The following WDR90 variants were observed in gnomAD, a reference collection of about 807,000 sequenced individuals.
WDR90 encodes WD repeat-containing protein 90.
WDR90 carries 238 observed loss-of-function variants against 195.2 expected under a neutral mutation model. That is an observed-to-expected ratio of 1.22 (90% CI 1.10 to 1.36). The LOEUF (loss-of-function observed/expected upper bound fraction) is 1.36. WDR90 is among the 40% of genes most tolerant of loss of function. The probability of loss-of-function intolerance (pLI) is 0.00; values close to 1 mark genes in which losing one functional copy is unlikely to be tolerated. For synonymous variants in WDR90, 1,265 were observed against 1,052.4 expected, an observed-to-expected ratio of 1.20 and a Z score of -3.91; for missense variants, 2,734 against 2,439.5, an observed-to-expected ratio of 1.12 and a Z score of -2.54.
Position 651,285 on chromosome 16 carries a change from C to G in WDR90, c.736+19C>G, listed in dbSNP as rs757851904. ...GAGGCAGGTGGGTCTGGGGGGTCAG[C>G]GGGGACCCAGGTTAAGGCCTGTAGG... On this transcript the variant is annotated intron_variant, in intron 7 of 40. Transcript: ENST00000293879. 1 of 1,612,248 alleles carries G rather than the reference C, an allele frequency of 6.2e-7. No homozygotes were observed. Among genetic ancestry groups the G allele is most frequent in the South Asian group, 1.1e-5 (1 of 91,020 alleles).
intron 33 of WDR90, 153 bp from the exon 34 acceptor site, chr16:662,526 C>T (rs1365024196): frequency 8.9e-6 from 11 of 1,241,148 alleles, no homozygotes; most frequent in Non-Finnish European, 1.2e-5. Flanking sequence ...CCAGAAGCCC[C>T]AGCTCCATGG....
intron 26 of WDR90, 145 bp downstream of exon 26, chr16:659,521 T>G: frequency 8.2e-6 from 9 of 1,101,814 alleles, no homozygotes; most frequent in Admixed American, 2.3e-5. Context: ...GGGGTCGGGG[T>G]GGGGGCAGCT....
At position 661,957 on chromosome 16, in the gene WDR90, C is replaced by T. The variant is rs751617722; in HGVS notation, c.3931C>T (p.Pro1311Ser). The T allele has an allele frequency of 3.7e-6, 6 of 1,607,460 alleles. No individual in the cohort carries two copies. Among genetic ancestry groups the T allele is most frequent in the South Asian group, 3.3e-5 (3 of 91,084 alleles). ...GCTGACCTCGCTCTGCTACGGGGCA[C>T]CTCCCCTGCTCTATTGTGGCACCAG... Reference protein sequence around the residue: ...GELTSLCYGAPPLLYCGTSSG... With the variant: ...GELTSLCYGASPLLYCGTSSG... The change falls in exon 32 of 41, where the codon CCT becomes TCT. Residue 1311 changes from proline to serine, a missense_variant. Coordinates refer to ENST00000293879, the MANE Select transcript of WDR90 (RefSeq NM_145294.5).
chr16:650,112 T>C lies in WDR90; in HGVS notation c.224T>C (p.Leu75Pro). 3.1e-6 allele frequency: 5 copies of C among 1,613,102 alleles called. No individual in the cohort carries two copies. The highest frequency in any genetic ancestry group is 2.2e-5 in the South Asian group (2 of 91,088). The change falls in exon 3 of 41, where the codon CTC (leucine) becomes CCC (proline). Residue 75 changes from leucine to proline, a missense_variant. By Grantham distance (98) the Leu-to-Pro change is moderately conservative. Transcript: ENST00000293879. ...LGLTGRYLYV[L>P]FRPLPSKHFV... ...CTGACGGGACGATACCTGTATGTGC[T>C]CTTTCGGCCCCTGCCCAGCAAGCAC... is the stretch of plus-strand genomic sequence containing the variant.
chr16:664,125 C>T lies in WDR90; in HGVS notation c.4311+1281C>T, dbSNP rs114783847. Reference sequence around the variant, plus strand: ...TTGCTGAGGTGTAGTCGTCACAGCACAAGCTCCGTGTGTTTCAGGGGGTGG... The same window carrying T: ...TTGCTGAGGTGTAGTCGTCACAGCATAAGCTCCGTGTGTTTCAGGGGGTGG... On this transcript the variant is annotated intron_variant, in intron 34 of 40. Coordinates refer to ENST00000293879, the MANE Select transcript of WDR90 (RefSeq NM_145294.5). 3.4e-3 allele frequency among the ~76,000 whole-genome samples: 521 copies of T among 152,292 alleles called. 3 individuals are homozygous for T. Among genetic ancestry groups the T allele is most frequent in the African/African-American group, 0.012 (493 of 41,556 alleles).
rs772903375 is a variant in WDR90 at position 653,406 on chromosome 16, C to T, written c.1188C>T (p.Leu396=). The change falls in exon 11 of 41, where the codon CTC becomes CTT. Residue 396 remains leucine, a synonymous_variant. Transcript: ENST00000293879. ...GCCATGCGGTCATCGTCGTCCTGCT[C>T]GTGGACACGGGGGAGCAGCGCTTCT... is the stretch of plus-strand genomic sequence containing the variant. ...YPCHAVIVVL[L]VDTGEQRFFL... 9.9e-6 allele frequency: 16 copies of T among 1,609,968 alleles called. No individual in the cohort carries two copies. Among genetic ancestry groups the T allele is most frequent in the South Asian group, 2.2e-5 (2 of 90,890 alleles).
At chr16:655,945 G>C in intron 17 of WDR90, 56 bp downstream of exon 17, 2 of 1,524,334 alleles carry the variant, frequency 1.3e-6, no homozygotes, top group South Asian at 1.2e-5. Context: ...GGATGCTGGG[G>C]CGGGGAAGGC....
At chr16:666,145 G>T (rs1296835530) in intron 36 of WDR90, 21 bp downstream of exon 36, 1 of 1,607,498 alleles carries the variant, frequency 6.2e-7, no homozygotes, top group Admixed American at 1.7e-5. Context: ...GGGTGTGTTG[G>T]GGATGGTGCC....
chr16:653,819 C>G lies in WDR90; in HGVS notation c.1437+16C>G. On this transcript the variant is annotated intron_variant, in intron 13 of 40. Coordinates refer to ENST00000293879, the MANE Select transcript of WDR90 (RefSeq NM_145294.5). ...CGGGAGGACGGTAACAGGGCCCTGG[C>G]TGCGGGTTGGGGTGGGGCTGTCCTG... The G allele has an allele frequency of 6.2e-7, 1 of 1,612,924 alleles. No homozygotes were observed.
chr16:652,676 C>T (rs1016538474), intron 10 of WDR90, 141 bp downstream of exon 10: 163 of 885,546 alleles, frequency 1.8e-4, no homozygotes, highest in Non-Finnish European at 2.4e-4. Flanking sequence ...GCGGTCCCGT[C>T]CCCCTGCAGT....
At position 652,055 on chromosome 16, in the gene WDR90, A is replaced by C. The variant is rs1423618286; in HGVS notation, c.1053+16A>C. 5 of 1,575,352 alleles carry C rather than the reference A, an allele frequency of 3.2e-6. No homozygotes were observed. The Admixed American group carries it at 9.0e-5, about 28-fold the overall frequency. On this transcript the variant is annotated intron_variant, in intron 9 of 40. Coordinates refer to ENST00000293879, the MANE Select transcript of WDR90 (RefSeq NM_145294.5). ...CTCCTGCGAAGTGAGTGCCCATCCC[A>C]CAGCAGGCGGGGCCTGGTGAGGTGT...
rs957832548 is a variant in WDR90 at position 661,897 on chromosome 16, C to A, written c.3871C>A (p.Arg1291=). The A allele has an allele frequency of 6.2e-7, 1 of 1,608,694 alleles. No homozygotes were observed. Among genetic ancestry groups the A allele is most frequent in the Non-Finnish European group, 8.5e-7 (1 of 1,177,938 alleles). Residue 1291 remains arginine, a synonymous_variant, in exon 32 of 41, where the codon CGA becomes AGA. Transcript: ENST00000293879. ...CACTCTCATACTTTGCCAGGTGCGT[C>A]GAGAGCCAGTCCCAGAGGCAGTGGG... is the stretch of plus-strand genomic sequence containing the variant. ...RGADISLQVR[R]EPVPEAVGAG... is the part of the protein sequence containing the mutation.
chr16:652,720 G>T (rs2037671222), intron 10 of WDR90, among the ~76,000 whole-genome samples, 185 bp downstream of exon 10: 1 of 152,208 alleles, frequency 6.6e-6, no homozygotes, highest in African/African-American at 2.4e-5. Context: ...CATCTGCCCC[G>T]CCCACAGCTG....
Position 652,541 on chromosome 16 carries a change from G to T in WDR90, c.1122+6G>T. The T allele has an allele frequency of 6.2e-7, 1 of 1,605,046 alleles. No individual in the cohort carries two copies. Among genetic ancestry groups the T allele is most frequent in the South Asian group, 1.1e-5 (1 of 90,172 alleles). On this transcript the variant is annotated splice_donor_region_variant and intron_variant, in intron 10 of 40. Coordinates refer to ENST00000293879, the MANE Select transcript of WDR90 (RefSeq NM_145294.5). ...GGGGCCACGGCACCAGACAGGTGAG[G>T]CTCCTGCGGCTGTGTCCAGAGCAGC...
chr16:658,634 A>G lies in WDR90; in HGVS notation c.2876A>G (p.Gln959Arg), dbSNP rs755086228. 1 of 1,610,786 alleles carries G rather than the reference A, an allele frequency of 6.2e-7. No individual in the cohort carries two copies. Among genetic ancestry groups the G allele is most frequent in the Non-Finnish European group, 8.5e-7 (1 of 1,178,616 alleles). ...RTIKVWDYAT[Q>R]ASPGPQVYIG... ...ATCAAGGTGTGGGACTACGCCACAC[A>G]GGCCAGCCCAGGCCCCCAGGTGTGT... Residue 959 changes from glutamine (Q) to arginine (R), a missense_variant, in exon 23 of 41, where the codon CAG (glutamine) becomes CGG (arginine). Coordinates refer to ENST00000293879, the MANE Select transcript of WDR90 (RefSeq NM_145294.5).
At position 655,622 on chromosome 16, in the gene WDR90, A is replaced by T. The variant is rs763784192; in HGVS notation, c.1768A>T (p.Met590Leu). The change falls in exon 16 of 41, where the codon ATG (methionine) becomes TTG (leucine). Residue 590 changes from methionine (M) to leucine (L), a missense_variant. Coordinates refer to ENST00000293879, the MANE Select transcript of WDR90 (RefSeq NM_145294.5). ...CATCTTGGAGATTGACTGTCAGCGC[A>T]TGGTCGTGCGGCATGCCCGCCGCCT... is the stretch of plus-strand genomic sequence containing the variant. ...GHILEIDCQR[M>L]VVRHARRLLP... is the part of the protein sequence containing the mutation. 2 of 1,609,004 alleles carry T rather than the reference A, an allele frequency of 1.2e-6. No individual in the cohort carries two copies. The highest frequency in any genetic ancestry group is 1.7e-6 in the Non-Finnish European group (2 of 1,178,010).
Position 662,667 on chromosome 16 carries a change from C to G in WDR90, c.4146-12C>G, listed in dbSNP as rs763430988. 51 of 1,531,854 alleles carry G rather than the reference C, an allele frequency of 3.3e-5. No individual in the cohort carries two copies. In the South Asian group the frequency reaches 5.5e-4, roughly 17 times the overall value. 94.9% of individuals were successfully genotyped at this position (1,531,854 alleles called of 1,614,324 possible). A position where few individuals can be genotyped will look rare whatever the true frequency, so the allele number is the denominator to read the frequency against. On this transcript the variant is annotated splice_polypyrimidine_tract_variant and intron_variant, in intron 33 of 40. Transcript: ENST00000293879. ...CCCATTGTTCTCTCCTTCCCTGCACCCTGAGGTCCAGTTCTGTGTTCATGG... is the reference window on the plus strand; with the variant it reads ...CCCATTGTTCTCTCCTTCCCTGCACGCTGAGGTCCAGTTCTGTGTTCATGG...
At chr16:656,644 G>A in intron 18 of WDR90, 88 bp from the exon 19 acceptor site, 2 of 1,570,538 alleles carry the variant, frequency 1.3e-6, no homozygotes, top group South Asian at 2.3e-5. Context: ...TTTCCAGCCT[G>A]TGTCGGCCCC....
chr16:655,751 A>G (rs1417329151), intron 16 of WDR90, 22 bp from the exon 17 acceptor site: 2 of 1,582,396 alleles, frequency 1.3e-6, no homozygotes, highest in Admixed American at 3.6e-5. Context: ...ACACCGAGGC[A>G]CTGACGCCTC....
Sources: allele counts gnomAD v4.1 joint callset (sites outside exome capture counted in the v4.1 genomes callset), GRCh38; gene constraint gnomAD v4.1.1; transcripts MANE v1.5; gene names NCBI Gene and HGNC (gene_info 2026-07-23, HGNC 2026-07-21).